Variants in EFNA3 observed in about 807,000 individuals in gnomAD.
EFNA3 encodes ephrin A3.
A neutral mutation model predicts 25.0 loss-of-function variants in EFNA3; 15 were observed. The observed-to-expected ratio is 0.60, with a 90% confidence interval of 0.40 to 0.92. The LOEUF is 0.92. Among genes scored for constraint, EFNA3 ranks in the 40% least tolerant of loss-of-function variants. EFNA3 has a pLI of 0.00. For synonymous variants in EFNA3, 153 were observed against 145.6 expected (o/e 1.05, Z -0.37); for missense variants, 298 against 323.8 (o/e 0.92, Z 0.61).
Position 155,085,573 on chromosome 1 carries a change from C to T in EFNA3, c.442+169C>T. On this transcript the variant is annotated intron_variant, in intron 2 of 4. Coordinates refer to ENST00000368408, the MANE Select transcript of EFNA3 (RefSeq NM_004952.5). The surrounding 1 kb of genome is among the most constrained non-coding windows in gnomAD (Gnocchi z 4.4). Reference sequence around the variant, plus strand: ...GGACGCCTGAGGGGTTCAGCTCAGACGAGGTCGTGGGGCCAAGAGAGGAGT... The same window carrying T: ...GGACGCCTGAGGGGTTCAGCTCAGATGAGGTCGTGGGGCCAAGAGAGGAGT... 1 of 870,732 alleles carries T rather than the reference C, an allele frequency of 1.1e-6. No homozygotes were observed. The highest frequency in any genetic ancestry group is 1.7e-6 in the Non-Finnish European group (1 of 583,994). 53.9% of individuals were successfully genotyped at this position (870,732 alleles called of 1,614,324 possible).
chr1:155,085,786 G>T lies in EFNA3; in HGVS notation c.443-91G>T. ...CTCCTGAAGGAGACCGCCCGACGGG[G>T]ACAGTTTGGAGGGGGTGAGAAATAG... On this transcript the variant is annotated intron_variant, in intron 2 of 4. Coordinates refer to ENST00000368408, the MANE Select transcript of EFNA3 (RefSeq NM_004952.5). This position sits in a 1 kb window ranked among gnomAD's most constrained non-coding sequence, Gnocchi z 4.4. The T allele has an allele frequency of 6.7e-7, 1 of 1,489,396 alleles. No individual in the cohort carries two copies. Among genetic ancestry groups the T allele is most frequent in the Middle Eastern group, 1.7e-4 (1 of 5,840 alleles). 92.3% of individuals were successfully genotyped at this position (1,489,396 alleles called of 1,614,324 possible).
At chr1:155,086,103 T>TCCCCCCCCCCCCCCCCCC in intron 3 of EFNA3, 25 bp from the exon 4 acceptor site, 1 of 1,577,734 alleles carries the variant, frequency 6.3e-7, no homozygotes, top group Non-Finnish European at 8.7e-7. Context: ...CCCTCCTCTC[T>TCCCCCCCCCCCCCCCCCC]CCCCACCCGC....
intron 1 of EFNA3, among the ~76,000 whole-genome samples, chr1:155,084,375 G>C (rs1663405193): frequency 6.6e-6 from 1 of 152,262 alleles, no homozygotes; most frequent in East Asian, 1.9e-4. Flanking sequence ...GGCAGGGGGA[G>C]ACCCCCAGAT....
Position 155,086,429 on chromosome 1 carries a change from G to T in EFNA3, c.603G>T (p.Glu201Asp). ...KINVLEDFEG[E>D]NPQVPKLEKS... ...TGTCCACAGAAGACTTTGAGGGAGAGAACCCTCAGGTGCCCAAGCTTGAGA... is the reference window on the plus strand; with the variant it reads ...TGTCCACAGAAGACTTTGAGGGAGATAACCCTCAGGTGCCCAAGCTTGAGA... The change falls in exon 5 of 5, where the codon GAG (glutamate) becomes GAT (aspartate). Residue 201 changes from glutamate (E) to aspartate (D), a missense_variant. Physicochemically the swap from Glu to Asp is conservative, Grantham distance 45. Transcript: ENST00000368408. 6.2e-7 allele frequency: 1 copy of T among 1,614,106 alleles called. No individual in the cohort carries two copies. Among genetic ancestry groups the T allele is most frequent in the Non-Finnish European group, 8.5e-7 (1 of 1,179,972 alleles).
chr1:155,086,328 T>C lies in EFNA3; in HGVS notation c.587-85T>C. 6 of 1,590,296 alleles carry C rather than the reference T, an allele frequency of 3.8e-6. No individual in the cohort carries two copies. In the South Asian group the frequency reaches 6.8e-5, roughly 18 times the overall value. On this transcript the variant is annotated intron_variant, in intron 4 of 4. Coordinates refer to ENST00000368408, the MANE Select transcript of EFNA3 (RefSeq NM_004952.5). ...ACTTCCTACCCTGTGGGTGGTCACGTCCCTGGCTCCATTGCTGCTGCCGCG... is the reference window on the plus strand; with the variant it reads ...ACTTCCTACCCTGTGGGTGGTCACGCCCCTGGCTCCATTGCTGCTGCCGCG...
Position 155,086,167 on chromosome 1 carries a change from A to G in EFNA3, c.548A>G (p.Gln183Arg). The G allele has an allele frequency of 7.0e-7, 1 of 1,426,852 alleles. No homozygotes were observed. Among genetic ancestry groups the G allele is most frequent in the Admixed American group, 1.9e-5 (1 of 53,374 alleles). 88.4% of individuals were successfully genotyped at this position (1,426,852 alleles called of 1,614,324 possible). Residue 183 changes from glutamine to arginine, a missense_variant, in exon 4 of 5, where the codon CAG becomes CGG. By Grantham distance (43) the Gln-to-Arg change is conservative. Transcript: ENST00000368408. ...GAGAAGCCGGTCCCCACTCTCCCCCAGTTCACCATGGGCCCCAATGTGAAG... is the reference window on the plus strand; with the variant it reads ...GAGAAGCCGGTCCCCACTCTCCCCCGGTTCACCATGGGCCCCAATGTGAAG... ...SGEKPVPTLPQFTMGPNVKIN... is the reference protein window; with the variant it reads ...SGEKPVPTLPRFTMGPNVKIN...
Position 155,079,017 on chromosome 1 carries a change from G to A in EFNA3, c.76G>A (p.Gly26Arg). 2 of 1,426,326 alleles carry A rather than the reference G, an allele frequency of 1.4e-6. No individual in the cohort carries two copies. The highest frequency in any genetic ancestry group is 1.5e-5 in the South Asian group (1 of 67,622). The allele number at this position is 1,426,326 out of a possible 1,614,324, so 88.4% of individuals were successfully genotyped here. ...GCTGCCGCTGCTGGCCCAAGGGCCC[G>A]GAGGGGCGCTGGGAAACCGGCATGC... is the stretch of plus-strand genomic sequence containing the variant. ...PLLPLLAQGP[G>R]GALGNRHAVY... The change falls in exon 1 of 5, where the codon GGA becomes AGA. Residue 26 changes from glycine to arginine, a missense_variant. Coordinates refer to ENST00000368408, the MANE Select transcript of EFNA3 (RefSeq NM_004952.5). The surrounding 1 kb of genome is among the most constrained non-coding windows in gnomAD (Gnocchi z 7.7).
rs150893468 is a variant in EFNA3, at chr1:155,085,145, T to A, written c.183T>A (p.Ile61=). The change falls in exon 2 of 5, where the codon ATT becomes ATA. Residue 61 remains isoleucine, a synonymous_variant. Transcript: ENST00000368408. The surrounding 1 kb of genome is among the most constrained non-coding windows in gnomAD (Gnocchi z 4.4). ...TGAACGTGAACGACTATCTGGATAT[T>A]TACTGCCCGCACTACAACAGCTCGG... The part of the protein sequence containing the change: ...VQVNVNDYLD[I]YCPHYNSSGV... The A allele has an allele frequency of 3.1e-6, 5 of 1,613,382 alleles. No individual in the cohort carries two copies. The African/African-American group carries it at 6.7e-5, about 22-fold the overall frequency.
rs1004020818 is a variant in EFNA3 at position 155,080,574 on chromosome 1, A to G, written c.128+1505A>G. Among the ~76,000 whole-genome samples, 1 of 151,834 alleles carries G rather than the reference A, an allele frequency of 6.6e-6. No homozygotes were observed. Among genetic ancestry groups the G allele is most frequent in the Non-Finnish European group, 1.5e-5 (1 of 67,922 alleles). ...CGCTAGAGTCTGGCGGGGAACGGAG[A>G]GCTCGCAGGTGAGGGGCCCCGGGTT... On this transcript the variant is annotated intron_variant, in intron 1 of 4. Transcript: ENST00000368408. The surrounding 1 kb of genome is among the most constrained non-coding windows in gnomAD (Gnocchi z 7.0).
In EFNA3 at chr1:155,086,649, A is replaced by C. The variant is rs1306907389; in HGVS notation, c.*106A>C. 2 of 1,429,148 alleles carry C rather than the reference A, an allele frequency of 1.4e-6. No homozygotes were observed. Among genetic ancestry groups the C allele is most frequent in the Non-Finnish European group, 1.9e-6 (2 of 1,058,008 alleles). The allele number at this position is 1,429,148 out of a possible 1,614,324, so 88.5% of individuals were successfully genotyped here. On this transcript the variant is annotated 3_prime_UTR_variant, in exon 5 of 5. Transcript: ENST00000368408. ...CTAGTGGGCCTAGACCCCTCCTCCC[A>C]TGGCTAGAAGTGGGGCCTGCACCAT...
intron 1 of EFNA3, among the ~76,000 whole-genome samples, chr1:155,083,401 G>A (rs1359279022): frequency 6.6e-6 from 1 of 152,222 alleles, no homozygotes; most frequent in Non-Finnish European, 1.5e-5. Flanking sequence ...TTTGGAGCCA[G>A]GCCTGGTCTA....
chr1:155,083,367 G>A (rs969485642), intron 1 of EFNA3, among the ~76,000 whole-genome samples: 3 of 152,216 alleles, frequency 2.0e-5, no homozygotes, highest in South Asian at 2.1e-4. Flanking sequence ...GGTTGGTGAC[G>A]GACAGGCAAG....
At chr1:155,086,104 C>T (rs376605195) in intron 3 of EFNA3, 24 bp from the exon 4 acceptor site, 48 of 1,526,414 alleles carry the variant, frequency 3.1e-5, no homozygotes, top group Non-Finnish European at 4.2e-5. Flanking sequence ...CCTCCTCTCT[C>T]CCCACCCGCA....
intron 1 of EFNA3, among the ~76,000 whole-genome samples, chr1:155,084,176 G>A (rs1161000436): frequency 6.6e-6 from 1 of 152,254 alleles, no homozygotes; most frequent in Admixed American, 6.5e-5. Flanking sequence ...GCCAGGTTGA[G>A]GAAGGAGGTG....
At chr1:155,083,578 C>T (rs1426824492) in intron 1 of EFNA3, among the ~76,000 whole-genome samples, 25 of 152,356 alleles carry the variant, frequency 1.6e-4, no homozygotes. Flanking sequence ...GGTACCCAAA[C>T]ATCAGCTCTC....
At chr1:155,083,443 G>A (rs745747672) in intron 1 of EFNA3, among the ~76,000 whole-genome samples, 2 of 152,238 alleles carry the variant, frequency 1.3e-5, no homozygotes, top group African/African-American at 2.4e-5. Context: ...GCCGCAGGCC[G>A]AGGCTCCTGC....
rs1571664634 is a variant in EFNA3 at position 155,085,731 on chromosome 1, A to G, written c.443-146A>G. The G allele has an allele frequency of 1.6e-5, 15 of 950,768 alleles. 1 individual carries two copies. The Middle Eastern group carries it at 1.1e-3, about 71-fold the overall frequency. The allele number at this position is 950,768 out of a possible 1,614,324, so 58.9% of individuals were successfully genotyped here. ...GGCGTCTAGGGCCGACGGCAGAGCT[A>G]AAGTGACCCGTGTCCAAAGGGTAGG... On this transcript the variant is annotated intron_variant, in intron 2 of 4. Coordinates refer to ENST00000368408, the MANE Select transcript of EFNA3 (RefSeq NM_004952.5). The surrounding 1 kb of genome is among the most constrained non-coding windows in gnomAD (Gnocchi z 4.4).
chr1:155,079,259 G>T lies in EFNA3; in HGVS notation c.128+190G>T, dbSNP rs895404508. ...TCGGGGGTGTCTGAAGAGGCTGTTG[G>T]GCTATAGTAAGGAGCGCTCGGGCCG... On this transcript the variant is annotated intron_variant, in intron 1 of 4. Transcript: ENST00000368408. This position sits in a 1 kb window ranked among gnomAD's most constrained non-coding sequence, Gnocchi z 7.7. Among the ~76,000 whole-genome samples, 40 of 152,242 alleles carry T rather than the reference G, an allele frequency of 2.6e-4. 1 individual carries two copies. The highest frequency in any genetic ancestry group is 2.4e-3 in the Admixed American group (37 of 15,298).
chr1:155,084,590 G>A (rs1663413406), intron 1 of EFNA3, among the ~76,000 whole-genome samples: 1 of 152,262 alleles, frequency 6.6e-6, no homozygotes, highest in Admixed American at 6.5e-5. Flanking sequence ...CAGCCGCAGG[G>A]AAGCATGGTG....
Sources: gnomAD v4.1 joint callset for allele counts (sites outside exome capture counted in the v4.1 genomes callset) on GRCh38, gnomAD v4.1.1 for gene constraint, Gnocchi (gnomAD v3.1) non-coding constraint, MANE v1.5 for transcripts, NCBI Gene and HGNC (gene_info 2026-07-23, HGNC 2026-07-21) for gene names.